DMD: variants seen among roughly 807,000 people sequenced by gnomAD.
DMD encodes mutant dystrophin.
Under a neutral mutation model 330.1 loss-of-function variants are expected in DMD, and 63 were observed. The ratio of observed to expected loss-of-function variants is 0.19; its 90% CI spans 0.16 to 0.24. The LOEUF (loss-of-function observed/expected upper bound fraction) is 0.24, where lower values mean the gene tolerates loss of function less well. Among genes scored for constraint, DMD ranks in the 10% least tolerant of loss-of-function variants. DMD has a pLI of 1.00. For missense variants in DMD, 3,344 were observed against 2,684.1 expected (o/e 1.25, Z -5.43); for synonymous variants, 1,223 against 959.8 (o/e 1.27, Z -5.07).
intron 47 of DMD, among the ~76,000 whole-genome samples, chrX:31,928,441 C>G: frequency 9.0e-6 from 1 of 110,702 alleles, no homozygotes; most frequent in Non-Finnish European, 1.9e-5. Flanking sequence ...CCCATCTCTA[C>G]TAAAAATACA....
intron 44 of DMD, among the ~76,000 whole-genome samples, chrX:32,118,004 A>G (rs2096618295): frequency 2.7e-5 from 3 of 111,043 alleles, no homozygotes; most frequent in Non-Finnish European, 3.8e-5. Context: ...AAGGCTTATA[A>G]CTGTAAAATC....
rs1456290562 is a variant in DMD at position 31,522,619 on chromosome X, G to A, written c.8218-15166C>T. 2.7e-5 allele frequency among the ~76,000 whole-genome samples: 3 copies of A among 109,243 alleles called. No individual in the cohort carries two copies. The East Asian group carries it at 8.7e-4, about 32-fold the overall frequency. The allele number at this position is 109,243 out of a possible 115,157, so 94.9% of individuals were successfully genotyped here. The stretch of plus-strand genomic sequence containing the variant: ...AAGGGAGATATTTTTGAGAGATCAT[G>A]AATACAACTTAGAGACTGACTGAAT... On this transcript the variant is annotated intron_variant, in intron 55 of 78. Transcript: ENST00000357033.
At chrX:31,167,018 C>T (rs1475508668) in intron 74 of DMD, among the ~76,000 whole-genome samples, 1 of 111,659 alleles carries the variant, frequency 9.0e-6, no homozygotes, top group Admixed American at 9.5e-5. Context: ...TATCGCTGTG[C>T]CACAAGTAGA....
At chrX:31,475,213 T>C (rs1254548153) in intron 59 of DMD, among the ~76,000 whole-genome samples, 1 of 111,619 alleles carries the variant, frequency 9.0e-6, no homozygotes, top group African/African-American at 3.3e-5. Context: ...TGTTTAATGT[T>C]TATATGTTTT....
At chrX:32,614,066 A>T (rs1033398434) in intron 12 of DMD, among the ~76,000 whole-genome samples, 1 of 110,760 alleles carries the variant, frequency 9.0e-6, no homozygotes, top group Non-Finnish European at 1.9e-5. Context: ...GCCCTGATGG[A>T]TTATTCACCC....
intron 13 of DMD, among the ~76,000 whole-genome samples, chrX:32,590,209 T>C (rs964805881): frequency 2.7e-5 from 3 of 112,373 alleles, no homozygotes; most frequent in African/African-American, 9.7e-5. Flanking sequence ...CTATCTCATC[T>C]GCAAAAATTA....
intron 30 of DMD, among the ~76,000 whole-genome samples, chrX:32,398,851 G>A (rs1303208850): frequency 9.0e-6 from 1 of 111,550 alleles, no homozygotes; most frequent in Admixed American, 9.6e-5. Context: ...ATACTACACA[G>A]CTATAGTAAC....
At chrX:31,181,924 G>A (rs769709508) in intron 68 of DMD, among the ~76,000 whole-genome samples, 2 of 111,811 alleles carry the variant, frequency 1.8e-5, no homozygotes, top group African/African-American at 3.3e-5. Context: ...TAAGGACATC[G>A]CAGTTTCAGA....
intron 61 of DMD, among the ~76,000 whole-genome samples, chrX:31,340,371 G>A (rs1035452014): frequency 8.9e-6 from 1 of 112,326 alleles, no homozygotes; most frequent in African/African-American, 3.2e-5. Context: ...TTAAAAGCTG[G>A]AGTATAAAAT....
At chrX:32,526,749 A>G (rs1172176788) in intron 17 of DMD, among the ~76,000 whole-genome samples, 2 of 112,365 alleles carry the variant, frequency 1.8e-5, no homozygotes, top group Non-Finnish European at 3.8e-5. Context: ...TTGCCATTTA[A>G]GAAGTTGTCA....
At chrX:32,585,663 G>A (rs1234803043) in intron 13 of DMD, among the ~76,000 whole-genome samples, 17 of 79,086 alleles carry the variant, frequency 2.1e-4, no homozygotes, top group Non-Finnish European at 3.8e-4. Flanking sequence ...TCGCGCCACT[G>A]CACTCCAGCC....
At chrX:32,903,847 T>A (rs1370354552) in intron 2 of DMD, among the ~76,000 whole-genome samples, 1 of 111,595 alleles carries the variant, frequency 9.0e-6, no homozygotes, top group Non-Finnish European at 1.9e-5. Flanking sequence ...ATAGTTTTAA[T>A]GCGACTGGAA....
intron 44 of DMD, among the ~76,000 whole-genome samples, chrX:32,152,387 G>C (rs1350557007): frequency 1.8e-5 from 2 of 111,365 alleles, no homozygotes; most frequent in East Asian, 5.6e-4. Context: ...TGAATATACT[G>C]ATCTCCCATC....
intron 1 of DMD, among the ~76,000 whole-genome samples, chrX:33,182,808 C>T (rs1048164534): frequency 2.7e-5 from 3 of 112,042 alleles, no homozygotes; most frequent in African/African-American, 9.7e-5. Flanking sequence ...GAGAAGGAAT[C>T]CTATCAAGGA....
At chrX:31,944,484 T>A (rs1018768625) in intron 45 of DMD, among the ~76,000 whole-genome samples, 1 of 107,608 alleles carries the variant, frequency 9.3e-6, no homozygotes, top group South Asian at 4.0e-4. Context: ...TTACCACTTT[T>A]TTTTTTTTTT....
rs1602535418 is a variant in DMD at position 31,190,994 on chromosome X, G to A, written c.9808-8090C>T. Among the ~76,000 whole-genome samples the A allele has an allele frequency of 2.7e-5, 3 of 111,594 alleles. No homozygotes were observed. The South Asian group carries it at 1.1e-3, about 42-fold the overall frequency. ...AAACTGAGGGTAGAGAGAGCAAAAG[G>A]GAAATTAAAAGCCCCAAACTAGAAG... On this transcript the variant is annotated intron_variant, in intron 67 of 78. Coordinates refer to ENST00000357033, the MANE Select transcript of DMD (RefSeq NM_004006.3).
intron 1 of DMD, among the ~76,000 whole-genome samples, chrX:33,158,689 G>C (rs2148655756): frequency 9.0e-6 from 1 of 111,641 alleles, no homozygotes; most frequent in Non-Finnish European, 1.9e-5. Context: ...GCCTGTTGGT[G>C]ACCAAAGCAG....
intron 43 of DMD, among the ~76,000 whole-genome samples, chrX:32,273,035 G>A (rs1480168664): frequency 9.0e-6 from 1 of 111,517 alleles, no homozygotes; most frequent in African/African-American, 3.3e-5. Flanking sequence ...CATTTCCTAA[G>A]CAGTAGCTTA....
At chrX:32,859,328 C>T (rs969376139) in intron 2 of DMD, among the ~76,000 whole-genome samples, 1 of 108,997 alleles carries the variant, frequency 9.2e-6, no homozygotes, top group Non-Finnish European at 1.9e-5. Context: ...ATTAGCTGGG[C>T]GTGGTGGCAC....
Sources: allele counts gnomAD v4.1 joint callset (sites outside exome capture counted in the v4.1 genomes callset), GRCh38; gene constraint gnomAD v4.1.1; transcripts MANE v1.5; gene names NCBI Gene and HGNC (gene_info 2026-07-23, HGNC 2026-07-21).